NKAIN2: variants seen among roughly 807,000 people sequenced by gnomAD.
The protein encoded by NKAIN2 is sodium/potassium transporting ATPase interacting 2.
Under a neutral mutation model 32.6 loss-of-function variants are expected in NKAIN2, and 14 were observed. That is an observed-to-expected ratio of 0.43 (90% confidence interval 0.28 to 0.67). The LOEUF is 0.67. NKAIN2 is among the 30% of genes least tolerant of loss of function. The pLI is 0.17. For missense variants in NKAIN2, 198 were observed against 258.3 expected (o/e 0.77, Z 1.60); for synonymous variants, 80 against 87.2 (o/e 0.92, Z 0.46).
chr6:124,045,040 G>T (rs2114818876), intron 1 of NKAIN2, among the ~76,000 whole-genome samples: 1 of 152,006 alleles, frequency 6.6e-6, no homozygotes, highest in East Asian at 1.9e-4. Context: ...GAATTATTCA[G>T]CTGAGATAAT....
At chr6:124,201,751 T>C (rs1790602169) in intron 1 of NKAIN2, among the ~76,000 whole-genome samples, 1 of 151,962 alleles carries the variant, frequency 6.6e-6, no homozygotes, top group African/African-American at 2.4e-5. Context: ...TGGTAGAAAA[T>C]GAAAGAAAAG....
intron 3 of NKAIN2, among the ~76,000 whole-genome samples, chr6:124,471,699 A>G (rs1213651819): frequency 6.6e-6 from 1 of 152,134 alleles, no homozygotes; most frequent in Non-Finnish European, 1.5e-5. Flanking sequence ...ACATAATCTA[A>G]TAGTCTGTAG....
intron 3 of NKAIN2, among the ~76,000 whole-genome samples, chr6:124,370,935 T>G (rs1323337942): frequency 6.6e-6 from 1 of 152,156 alleles, no homozygotes; most frequent in Non-Finnish European, 1.5e-5. Flanking sequence ...TCTGGTTTTA[T>G]GAGTACAAGT....
intron 5 of NKAIN2, among the ~76,000 whole-genome samples, chr6:124,802,734 C>T (rs1780317283): frequency 6.6e-6 from 1 of 152,140 alleles, no homozygotes; most frequent in Non-Finnish European, 1.5e-5. Context: ...TTCTGCCTGA[C>T]CATAAACACC....
chr6:123,826,155 C>A (rs1774138947), intron 1 of NKAIN2, among the ~76,000 whole-genome samples: 1 of 152,024 alleles, frequency 6.6e-6, no homozygotes, highest in Admixed American at 6.6e-5. Flanking sequence ...ATCAGCCCCA[C>A]CATTAACAGA....
Position 124,765,553 on chromosome 6 carries a change from T to C in NKAIN2, c.475-25786T>C, listed in dbSNP as rs1327191766. Among the ~76,000 whole-genome samples the C allele has an allele frequency of 2.0e-5, 3 of 152,214 alleles. No homozygotes were observed. The South Asian group carries it at 6.2e-4, about 32-fold the overall frequency. On this transcript the variant is annotated intron_variant, in intron 4 of 6. Coordinates refer to ENST00000368417, the MANE Select transcript of NKAIN2 (RefSeq NM_001040214.3). ...CAATTAAATTATCTTCTCCAGCCTT[T>C]ATTCCTGCCAAAGAGGCTCAGGCTG...
At chr6:124,674,317 T>A (rs1338843458) in intron 4 of NKAIN2, among the ~76,000 whole-genome samples, 5 of 152,148 alleles carry the variant, frequency 3.3e-5, no homozygotes, top group Non-Finnish European at 7.4e-5. Flanking sequence ...TTTGTTTTTC[T>A]TTCTCAAGAT....
At chr6:124,242,988 G>T (rs535741089) in intron 1 of NKAIN2, among the ~76,000 whole-genome samples, 2 of 151,238 alleles carry the variant, frequency 1.3e-5, no homozygotes, top group South Asian at 4.2e-4. Flanking sequence ...GTACACCTGT[G>T]TAACATACCT....
At chr6:124,783,122 C>T (rs1779348616) in intron 4 of NKAIN2, among the ~76,000 whole-genome samples, 1 of 152,130 alleles carries the variant, frequency 6.6e-6, no homozygotes, top group African/African-American at 2.4e-5. Flanking sequence ...TATGTAAACC[C>T]TGAGAGAGGT....
intron 1 of NKAIN2, among the ~76,000 whole-genome samples, chr6:124,101,238 C>A (rs1467077037): frequency 6.7e-6 from 1 of 149,110 alleles, no homozygotes; most frequent in African/African-American, 2.6e-5. Flanking sequence ...ATCTGGAGGG[C>A]TGAAAAAAAA....
chr6:124,125,856 C>T (rs1481850872), intron 1 of NKAIN2, among the ~76,000 whole-genome samples: 3 of 152,134 alleles, frequency 2.0e-5, no homozygotes, highest in Non-Finnish European at 4.4e-5. Flanking sequence ...ACTACTCTCC[C>T]CTGACAACAC....
chr6:123,962,699 G>T (rs970868234), intron 1 of NKAIN2, among the ~76,000 whole-genome samples: 1 of 152,128 alleles, frequency 6.6e-6, no homozygotes, highest in East Asian at 1.9e-4. Context: ...TGCAGCACAG[G>T]TGCACAACCC....
intron 1 of NKAIN2, among the ~76,000 whole-genome samples, chr6:124,177,591 T>C (rs1789224137): frequency 6.6e-6 from 1 of 152,166 alleles, no homozygotes; most frequent in East Asian, 1.9e-4. Flanking sequence ...ATAGCAGATA[T>C]GATTGTGTTT....
In NKAIN2 at chr6:124,138,622, TATA is replaced by T. The variant is rs987260029; in HGVS notation, c.55-144373_55-144371del. Among the ~76,000 whole-genome samples the T allele has an allele frequency of 5.7e-4, 82 of 144,448 alleles. 1 individual carries two copies. The highest frequency in any genetic ancestry group is 7.1e-3 in the Middle Eastern group (2 of 280). 94.8% of individuals were successfully genotyped at this position (144,448 alleles called of 152,430 possible). A position where few individuals can be genotyped will look rare whatever the true frequency, so the allele number is the denominator to read the frequency against. On this transcript the variant is annotated intron_variant, in intron 1 of 6. Transcript: ENST00000368417. ...TCAACCAATGAGTGGATAAAGAATA[TATA>T]ATAATAATAGGATAATTATTATTAA...
intron 3 of NKAIN2, among the ~76,000 whole-genome samples, chr6:124,501,978 T>C (rs1477009531): frequency 6.6e-6 from 1 of 152,022 alleles, no homozygotes; most frequent in Non-Finnish European, 1.5e-5. Flanking sequence ...TGATAGCTGG[T>C]GCCTGTAGTC....
At chr6:124,729,422 G>A (rs868162658) in intron 4 of NKAIN2, among the ~76,000 whole-genome samples, 2 of 151,830 alleles carry the variant, frequency 1.3e-5, no homozygotes, top group Non-Finnish European at 2.9e-5. Context: ...ATCAATAAAT[G>A]TAATCCAGCA....
At chr6:124,719,487 GA>G (rs1775915995) in intron 4 of NKAIN2, among the ~76,000 whole-genome samples, 1 of 152,106 alleles carries the variant, frequency 6.6e-6, no homozygotes, top group African/African-American at 2.4e-5. Flanking sequence ...TCTACCTTTA[GA>G]AACATTCTGT....
intron 1 of NKAIN2, among the ~76,000 whole-genome samples, chr6:124,144,514 C>A (rs532627392): frequency 6.6e-6 from 1 of 152,020 alleles, no homozygotes; most frequent in African/African-American, 2.4e-5. Context: ...GTAAGAAAGA[C>A]ACAAAAACAA....
intron 2 of NKAIN2, among the ~76,000 whole-genome samples, chr6:124,334,551 G>C (rs957230472): frequency 2.5e-5 from 1 of 39,990 alleles, no homozygotes; most frequent in Non-Finnish European, 4.5e-5. Context: ...GTCGGTTCCT[G>C]GTGGGGGGCA....
Sources: allele counts gnomAD v4.1 joint callset (sites outside exome capture counted in the v4.1 genomes callset), GRCh38; gene constraint gnomAD v4.1.1; transcripts MANE v1.5; gene names NCBI Gene and HGNC (gene_info 2026-07-23, HGNC 2026-07-21).